TMTC1: variants seen among roughly 807,000 people sequenced by gnomAD.
TMTC1 encodes the protein protein O-mannosyl-transferase TMTC1.
Under a neutral mutation model 104.8 loss-of-function variants are expected in TMTC1, and 73 were observed. The ratio of observed to expected loss-of-function variants is 0.70; its 90% confidence interval spans 0.58 to 0.85. TMTC1 has a LOEUF of 0.85. TMTC1 is among the 40% of genes least tolerant of loss of function. The pLI, the probability that TMTC1 is intolerant of heterozygous loss-of-function variation, is 0.00. For synonymous variants in TMTC1, 434 were observed against 428.7 expected, an observed-to-expected ratio of 1.01 and a Z score of -0.15; for missense variants, 1,035 against 1,096.1, an observed-to-expected ratio of 0.94 and a Z score of 0.79.
chr12:29,720,826 G>A (rs1942217635), intron 5 of TMTC1, among the ~76,000 whole-genome samples: 1 of 151,998 alleles, frequency 6.6e-6, no homozygotes, highest in Non-Finnish European at 1.5e-5. Context: ...TCCCAAGCAG[G>A]ATAAATAAAA....
chr12:29,532,257 T>G (rs1370107761), intron 11 of TMTC1, among the ~76,000 whole-genome samples: 1 of 152,190 alleles, frequency 6.6e-6, no homozygotes, highest in Non-Finnish European at 1.5e-5. Flanking sequence ...TGTACACTGC[T>G]GGTGGCAGAG....
At chr12:29,645,828 AAT>A (rs1939243288) in intron 5 of TMTC1, among the ~76,000 whole-genome samples, 2 of 152,186 alleles carry the variant, frequency 1.3e-5, no homozygotes, top group Admixed American at 1.3e-4. Flanking sequence ...AACCGCATAC[AAT>A]ATTAAAAATA....
At chr12:29,592,364 G>C (rs1415110895) in intron 7 of TMTC1, among the ~76,000 whole-genome samples, 1 of 152,174 alleles carries the variant, frequency 6.6e-6, no homozygotes, top group East Asian at 1.9e-4. Context: ...CATATTCCAA[G>C]AAAAGAATCC....
intron 6 of TMTC1, among the ~76,000 whole-genome samples, chr12:29,615,901 C>T (rs923086997): frequency 6.6e-6 from 1 of 152,060 alleles, no homozygotes; most frequent in Non-Finnish European, 1.5e-5. Flanking sequence ...TTAAACATTG[C>T]CCAAAAATGA....
intron 5 of TMTC1, among the ~76,000 whole-genome samples, chr12:29,648,749 A>T (rs958686288): frequency 7.2e-5 from 11 of 152,208 alleles, no homozygotes; most frequent in Non-Finnish European, 1.3e-4. Flanking sequence ...AAAGAATAAA[A>T]TGAAACATGA....
At chr12:29,710,988 T>TA (rs1477443522) in intron 5 of TMTC1, among the ~76,000 whole-genome samples, 1,047 of 14,782 alleles carry the variant, frequency 0.071, 16 homozygotes, top group African/African-American at 0.099. Flanking sequence ...TATATATATA[T>TA]TTTTTCCCCC....
At chr12:29,680,970 A>G (rs565026356) in intron 5 of TMTC1, among the ~76,000 whole-genome samples, 184 of 152,080 alleles carry the variant, frequency 1.2e-3, no homozygotes, top group African/African-American at 4.3e-3. Context: ...ATGGTGGCAC[A>G]TGCCTGTAAT....
intron 6 of TMTC1, among the ~76,000 whole-genome samples, chr12:29,608,451 A>G (rs1041445698): frequency 1.3e-5 from 2 of 152,218 alleles, no homozygotes; most frequent in African/African-American, 2.4e-5. Context: ...GGGAGAGAAG[A>G]GATATGAGAA....
chr12:29,608,765 C>T (rs1399414423), intron 6 of TMTC1, among the ~76,000 whole-genome samples: 2 of 152,134 alleles, frequency 1.3e-5, no homozygotes, highest in East Asian at 1.9e-4. Flanking sequence ...CGCTCAGTCA[C>T]CATCGGCACA....
chr12:29,731,495 A>C (rs1488929523), intron 5 of TMTC1, among the ~76,000 whole-genome samples: 1 of 152,230 alleles, frequency 6.6e-6, no homozygotes, highest in African/African-American at 2.4e-5. Flanking sequence ...AGTAGAGAGT[A>C]AACTTGAAGC....
intron 11 of TMTC1, among the ~76,000 whole-genome samples, chr12:29,521,281 T>C (rs551537002): frequency 6.6e-6 from 1 of 152,330 alleles, no homozygotes; most frequent in African/African-American, 2.4e-5. Flanking sequence ...GGCTCTGCCC[T>C]ATCCTTTCAT....
intron 10 of TMTC1, among the ~76,000 whole-genome samples, chr12:29,544,464 C>T (rs1944888329): frequency 6.6e-6 from 1 of 151,972 alleles, no homozygotes; most frequent in Non-Finnish European, 1.5e-5. Flanking sequence ...CTGGGGATGG[C>T]ACAGAGTAGG....
In TMTC1 at chr12:29,621,241, A is replaced by G. The variant is rs116771167; in HGVS notation, c.1128+11906T>C. ...ATTTTACCATTCAGTATATTAAAAC[A>G]TGATGCTTATTTTACCAGGTTTATA... On this transcript the variant is annotated intron_variant, in intron 6 of 17. Transcript: ENST00000539277. Among the ~76,000 whole-genome samples the G allele has an allele frequency of 8.0e-3, 1,216 of 152,348 alleles. 22 individuals are homozygous for G. The highest frequency in any genetic ancestry group is 0.028 in the African/African-American group (1,156 of 41,584).
At chr12:29,681,281 C>T (rs1041664702) in intron 5 of TMTC1, among the ~76,000 whole-genome samples, 15 of 152,006 alleles carry the variant, frequency 9.9e-5, no homozygotes, top group African/African-American at 3.6e-4. Context: ...TCCTGTGTTG[C>T]CTATATAAAC....
chr12:29,777,930 CA>C (rs1943749558), intron 1 of TMTC1, among the ~76,000 whole-genome samples: 1 of 152,146 alleles, frequency 6.6e-6, no homozygotes, highest in Admixed American at 6.5e-5. Flanking sequence ...ACAAAAGAAA[CA>C]TATCACCGTT....
chr12:29,514,908 G>C (rs556109896), intron 15 of TMTC1, among the ~76,000 whole-genome samples: 17 of 152,202 alleles, frequency 1.1e-4, no homozygotes, highest in Non-Finnish European at 1.8e-4. Context: ...CGGCTACTGG[G>C]GGGGCTGAGA....
At chr12:29,570,972 C>T (rs1443632398) in intron 9 of TMTC1, among the ~76,000 whole-genome samples, 2 of 146,646 alleles carry the variant, frequency 1.4e-5, no homozygotes, top group Non-Finnish European at 3.0e-5. Context: ...GTCCTAAAGT[C>T]TAAAAGATTT....
intron 9 of TMTC1, among the ~76,000 whole-genome samples, chr12:29,563,497 G>C (rs1465744523): frequency 1.3e-5 from 2 of 152,170 alleles, no homozygotes; most frequent in East Asian, 3.9e-4. Flanking sequence ...AGGAGAGTGG[G>C]TATGTTTTGA....
chr12:29,605,458 T>C (rs1223608443), intron 6 of TMTC1, among the ~76,000 whole-genome samples: 1 of 150,360 alleles, frequency 6.7e-6, no homozygotes, highest in African/African-American at 2.4e-5. Flanking sequence ...AATTAATGGA[T>C]CTATAAGTAA....
Sources: gnomAD v4.1 joint callset for allele counts (sites outside exome capture counted in the v4.1 genomes callset) on GRCh38, gnomAD v4.1.1 for gene constraint, MANE v1.5 for transcripts, NCBI Gene and HGNC (gene_info 2026-07-23, HGNC 2026-07-21) for gene names.